Variants in PCBP3 observed in about 807,000 individuals in gnomAD.
The protein encoded by PCBP3 is poly(rC) binding protein 3.
Under a neutral mutation model 52.7 loss-of-function variants are expected in PCBP3, and 25 were observed. That is an observed-to-expected ratio of 0.47 (90% CI 0.35 to 0.66). PCBP3 has a LOEUF of 0.66. PCBP3 is among the 30% of genes least tolerant of loss of function. The pLI is 0.01. For synonymous variants in PCBP3, 162 were observed against 183.0 expected (o/e 0.89, Z 0.93); for missense variants, 391 against 490.3 (o/e 0.80, Z 1.91).
At chr21:45,927,618 A>C (rs1379464699) in intron 13 of PCBP3, among the ~76,000 whole-genome samples, 1 of 151,700 alleles carries the variant, frequency 6.6e-6, no homozygotes, top group Non-Finnish European at 1.5e-5. Flanking sequence ...GCCCAGTGCT[A>C]GTCCAGGCCT....
chr21:45,939,962 C>G, intron 16 of PCBP3, 68 bp from the exon 17 acceptor site: 1 of 1,448,200 alleles, frequency 6.9e-7, no homozygotes, highest in Non-Finnish European at 9.6e-7. Flanking sequence ...CCCTCGGGCG[C>G]ACTGCCCACA....
intron 3 of PCBP3, among the ~76,000 whole-genome samples, chr21:45,753,274 C>T (rs550599442): frequency 2.0e-5 from 3 of 151,014 alleles, no homozygotes; most frequent in African/African-American, 7.3e-5. Flanking sequence ...GCTCTTAGGT[C>T]TACGTAAGTT....
At position 45,904,373 on chromosome 21, in the gene PCBP3, C is replaced by T. The variant is rs1255747605; in HGVS notation, c.339+3260C>T. 1.3e-5 allele frequency among the ~76,000 whole-genome samples: 2 copies of T among 151,466 alleles called. No individual in the cohort carries two copies. The highest frequency in any genetic ancestry group is 2.4e-5 in the African/African-American group (1 of 41,260). On this transcript the variant is annotated intron_variant, in intron 9 of 17. Coordinates refer to ENST00000681687, the MANE Select transcript of PCBP3 (RefSeq NM_001384156.1). The surrounding 1 kb of genome is among the most constrained non-coding windows in gnomAD (Gnocchi z 4.8). The stretch of plus-strand genomic sequence containing the variant: ...GAAGACTGTGGATGCTCAGGAAGCT[C>T]GAGGGATTTGGAGTTTTCATCTTTT...
At chr21:45,896,636 A>C (rs1603475017) in intron 6 of PCBP3, among the ~76,000 whole-genome samples, 1 of 134,378 alleles carries the variant, frequency 7.4e-6, no homozygotes, top group Non-Finnish European at 1.6e-5. Context: ...GGAAAGGCAG[A>C]CATGGCACAT....
chr21:45,802,021 T>G lies in PCBP3; in HGVS notation c.-126+46569T>G, dbSNP rs1444444953. ...GACACTGACTGTCCCTCTGTGGCTC[T>G]CGGGGTCTCCCCTCCTCTTCCTTGA... On this transcript the variant is annotated intron_variant, in intron 4 of 17. Transcript: ENST00000681687. This position sits in a 1 kb window ranked among gnomAD's most constrained non-coding sequence, Gnocchi z 5.1. Among the ~76,000 whole-genome samples, 2 of 152,206 alleles carry G rather than the reference T, an allele frequency of 1.3e-5. No individual in the cohort carries two copies. Among genetic ancestry groups the G allele is most frequent in the Non-Finnish European group, 2.9e-5 (2 of 68,034 alleles).
intron 5 of PCBP3, among the ~76,000 whole-genome samples, chr21:45,865,867 C>T (rs896640867): frequency 6.6e-6 from 1 of 152,222 alleles, no homozygotes; most frequent in South Asian, 2.1e-4. Flanking sequence ...GTGCACCCCC[C>T]ACAGCCGGAG....
chr21:45,933,046 C>G (rs780257811), intron 15 of PCBP3, among the ~76,000 whole-genome samples: 1 of 145,510 alleles, frequency 6.9e-6, no homozygotes, highest in Non-Finnish European at 1.5e-5. Flanking sequence ...TCAGCCATGC[C>G]GTTCTGAGAT....
chr21:45,663,269 A>T (rs1196075196), intron 1 of PCBP3, among the ~76,000 whole-genome samples: 1 of 150,388 alleles, frequency 6.6e-6, no homozygotes, highest in Non-Finnish European at 1.5e-5. Flanking sequence ...GATGGCTCAC[A>T]CTCCTTACCC....
At chr21:45,801,260 G>A (rs1039337360) in intron 4 of PCBP3, among the ~76,000 whole-genome samples, 1 of 152,218 alleles carries the variant, frequency 6.6e-6, no homozygotes, top group African/African-American at 2.4e-5. Flanking sequence ...CTGGCTGCTA[G>A]CCTTGCCTTA....
intron 13 of PCBP3, among the ~76,000 whole-genome samples, chr21:45,922,428 A>G (rs1004375062): frequency 2.0e-5 from 3 of 152,038 alleles, no homozygotes; most frequent in African/African-American, 4.8e-5. Flanking sequence ...GGTGGCACAC[A>G]CCTGGAGTCC....
rs569767750 is a variant in PCBP3, at chr21:45,867,484, C to CT, written c.10+17389_10+17390insT. On this transcript the variant is annotated intron_variant, in intron 5 of 17. Transcript: ENST00000681687. Reference sequence around the variant, plus strand: ...GCGCACCTGCTACCCCTGCTACCCGCATTCACCGCACGCGGAGGGTGCGGG... The same window carrying CT: ...GCGCACCTGCTACCCCTGCTACCCGCTATTCACCGCACGCGGAGGGTGCGGG... Among the ~76,000 whole-genome samples, 203 of 152,052 alleles carry CT rather than the reference C, an allele frequency of 1.3e-3. 1 individual carries two copies. Among genetic ancestry groups the CT allele is most frequent in the Non-Finnish European group, 2.0e-3 (138 of 68,042 alleles).
chr21:45,760,121 C>A (rs191073443), intron 4 of PCBP3: 1 of 152,036 alleles, frequency 6.6e-6, no homozygotes, highest in Non-Finnish European at 1.5e-5. Context: ...ACATTTTATA[C>A]AAACACAAGT....
intron 2 of PCBP3, among the ~76,000 whole-genome samples, chr21:45,691,383 G>A (rs1423739126): frequency 2.1e-5 from 3 of 140,772 alleles, no homozygotes; most frequent in African/African-American, 5.5e-5. Context: ...TGTGGGGGTA[G>A]TTATATATAT....
rs115973981 is a variant in PCBP3 at position 45,667,072 on chromosome 21, T to C, written c.-278-1802T>C. On this transcript the variant is annotated intron_variant, in intron 1 of 17. Transcript: ENST00000681687. ...TTCTGAGAGTTTCATTATGCATCTG[T>C]TTGTTCTTTCTTTCTTTCTTTCTTT... Among the ~76,000 whole-genome samples, 836 of 104,814 alleles carry C rather than the reference T, an allele frequency of 8.0e-3. 6 individuals carry two copies. The highest frequency in any genetic ancestry group is 0.027 in the African/African-American group (792 of 29,516). 68.8% of individuals were successfully genotyped at this position (104,814 alleles called of 152,430 possible). A position where few individuals can be genotyped will look rare whatever the true frequency, so the allele number is the denominator to read the frequency against.
chr21:45,684,231 A>T (rs978189568), intron 2 of PCBP3, among the ~76,000 whole-genome samples: 3 of 152,194 alleles, frequency 2.0e-5, no homozygotes, highest in African/African-American at 7.2e-5. Flanking sequence ...GTCTCTAAAA[A>T]CAAAAGCAAA....
At chr21:45,885,705 G>A (rs1305184713) in intron 5 of PCBP3, among the ~76,000 whole-genome samples, 1 of 151,942 alleles carries the variant, frequency 6.6e-6, no homozygotes, top group East Asian at 1.9e-4. Context: ...CCTTTCAGTT[G>A]CCTGCATCTC....
chr21:45,645,375 A>G (rs1438977279), intron 1 of PCBP3, among the ~76,000 whole-genome samples: 1 of 152,140 alleles, frequency 6.6e-6, no homozygotes, highest in African/African-American at 2.4e-5. Flanking sequence ...TTGATGATAA[A>G]TGGGGTCTTT....
At chr21:45,930,117 G>A (rs2075984447) in intron 14 of PCBP3, 122 bp downstream of exon 14, 2 of 635,676 alleles carry the variant, frequency 3.1e-6, no homozygotes, top group Non-Finnish European at 5.4e-6. Context: ...TGCCGGTGCT[G>A]CGGCGTTCAC....
chr21:45,759,091 C>G (rs2088361550), intron 4 of PCBP3, among the ~76,000 whole-genome samples: 1 of 152,118 alleles, frequency 6.6e-6, no homozygotes, highest in East Asian at 1.9e-4. Flanking sequence ...ATTTGTGCAT[C>G]TATATTCATG....
Sources: gnomAD v4.1 joint callset for allele counts (sites outside exome capture counted in the v4.1 genomes callset) on GRCh38, gnomAD v4.1.1 for gene constraint, Gnocchi (gnomAD v3.1) non-coding constraint, MANE v1.5 for transcripts, NCBI Gene and HGNC (gene_info 2026-07-23, HGNC 2026-07-21) for gene names.